Variants in RSRC1 observed in about 807,000 individuals in gnomAD.
RSRC1 encodes the protein serine/Arginine-related protein 53.
A neutral mutation model predicts 49.1 loss-of-function variants in RSRC1; 39 were observed. The observed-to-expected ratio is 0.79, with a 90% CI of 0.61 to 1.04. RSRC1 has a LOEUF of 1.04. Ranked by LOEUF, RSRC1 falls within the 50% of genes least tolerant of loss-of-function variation. The pLI is 0.00. For missense variants in RSRC1, 388 were observed against 402.4 expected (o/e 0.96, Z 0.31); for synonymous variants, 143 against 130.8 (o/e 1.09, Z -0.63).
At chr3:158,216,770 G>T in intron 4 of RSRC1, among the ~76,000 whole-genome samples, 1 of 151,678 alleles carries the variant, frequency 6.6e-6, no homozygotes, top group Non-Finnish European at 1.5e-5. Flanking sequence ...AGGTGAATTT[G>T]TTATCCTTCT....
At chr3:158,255,167 C>T (rs1724465158) in intron 4 of RSRC1, among the ~76,000 whole-genome samples, 1 of 152,222 alleles carries the variant, frequency 6.6e-6, no homozygotes, top group African/African-American at 2.4e-5. Flanking sequence ...GGTATTCCCT[C>T]TGTTTTTTTC....
intron 3 of RSRC1, among the ~76,000 whole-genome samples, chr3:158,129,296 T>C (rs1331101694): frequency 1.1e-4 from 15 of 142,526 alleles, no homozygotes; most frequent in Non-Finnish European, 2.1e-4. Flanking sequence ...TTCTTTTTTT[T>C]TTTTTTTTTT....
chr3:158,333,373 AG>A (rs1729669523), intron 5 of RSRC1, among the ~76,000 whole-genome samples: 1 of 152,240 alleles, frequency 6.6e-6, no homozygotes, highest in African/African-American at 2.4e-5. Flanking sequence ...ATATAAAACT[AG>A]TGATTACTAT....
chr3:158,509,376 G>A (rs922802458), intron 7 of RSRC1, among the ~76,000 whole-genome samples: 1 of 152,124 alleles, frequency 6.6e-6, no homozygotes, highest in African/African-American at 2.4e-5. Context: ...TTGAGATACA[G>A]AAAAATGAAA....
At chr3:158,300,827 GTT>G (rs1727501695) in intron 5 of RSRC1, among the ~76,000 whole-genome samples, 1 of 152,158 alleles carries the variant, frequency 6.6e-6, no homozygotes, top group African/African-American at 2.4e-5. Flanking sequence ...ATTTTAATAA[GTT>G]AAGAAAAATT....
At chr3:158,198,045 T>A (rs1187030261) in intron 3 of RSRC1, among the ~76,000 whole-genome samples, 1 of 152,152 alleles carries the variant, frequency 6.6e-6, no homozygotes, top group Non-Finnish European at 1.5e-5. Flanking sequence ...CTGGATATGC[T>A]TGTTAACTTT....
At chr3:158,426,676 A>G (rs1276133322) in intron 6 of RSRC1, among the ~76,000 whole-genome samples, 2 of 151,916 alleles carry the variant, frequency 1.3e-5, no homozygotes, top group African/African-American at 4.8e-5. Context: ...AAAAGATCCA[A>G]TGAATATAGT....
chr3:158,369,438 A>T (rs1418590557), intron 6 of RSRC1, among the ~76,000 whole-genome samples: 2 of 152,010 alleles, frequency 1.3e-5, no homozygotes, highest in Non-Finnish European at 2.9e-5. Flanking sequence ...GCATTTTGTG[A>T]TGTAAAAATG....
chr3:158,381,486 G>T (rs1490877330), intron 6 of RSRC1, among the ~76,000 whole-genome samples: 2 of 152,160 alleles, frequency 1.3e-5, no homozygotes, highest in Non-Finnish European at 2.9e-5. Flanking sequence ...ATTTATCATT[G>T]TGTGAACATC....
chr3:158,517,755 A>ATTTTTTTTTTTTTTTTT (rs766129663), intron 7 of RSRC1, among the ~76,000 whole-genome samples: 4 of 35,190 alleles, frequency 1.1e-4, no homozygotes, highest in Non-Finnish European at 1.8e-4. Flanking sequence ...CACCCAGCTA[A>ATTTTTTTTTTTTTTTTT]TTTTTTTTTT....
At chr3:158,155,788 G>A (rs948244180) in intron 3 of RSRC1, among the ~76,000 whole-genome samples, 4 of 152,046 alleles carry the variant, frequency 2.6e-5, no homozygotes, top group African/African-American at 9.7e-5. Context: ...GGTCTCAACA[G>A]TGAGCTTAAA....
chr3:158,260,270 C>T (rs750631340), intron 4 of RSRC1, among the ~76,000 whole-genome samples: 1 of 152,168 alleles, frequency 6.6e-6, no homozygotes, highest in East Asian at 1.9e-4. Flanking sequence ...CTTTAGTTAA[C>T]AGTTGATGAA....
chr3:158,298,577 T>G (rs1432931395), intron 5 of RSRC1, among the ~76,000 whole-genome samples: 1 of 152,110 alleles, frequency 6.6e-6, no homozygotes, highest in African/African-American at 2.4e-5. Flanking sequence ...AGATGCAAAA[T>G]TTTTGGTTTA....
intron 4 of RSRC1, among the ~76,000 whole-genome samples, chr3:158,213,124 A>G (rs980633958): frequency 1.3e-5 from 2 of 151,910 alleles, no homozygotes; most frequent in East Asian, 1.9e-4. Flanking sequence ...AGATATCTCT[A>G]TGTTGGTTTA....
intron 4 of RSRC1, among the ~76,000 whole-genome samples, chr3:158,293,047 ATTC>A (rs1372833729): frequency 6.6e-6 from 1 of 152,116 alleles, no homozygotes; most frequent in Admixed American, 6.5e-5. Flanking sequence ...TGAGGTGGTC[ATTC>A]TTCCTTATCT....
chr3:158,452,191 A>G (rs1487036484), intron 6 of RSRC1, among the ~76,000 whole-genome samples: 1 of 152,166 alleles, frequency 6.6e-6, no homozygotes, highest in Non-Finnish European at 1.5e-5. Flanking sequence ...TTAAACTGTG[A>G]TTCACAGGCT....
chr3:158,492,789 G>T (rs971528735), intron 7 of RSRC1, among the ~76,000 whole-genome samples: 2 of 152,082 alleles, frequency 1.3e-5, no homozygotes, highest in Admixed American at 1.3e-4. Flanking sequence ...CTTTCTCATT[G>T]CTGTCTTTAC....
chr3:158,466,313 T>C (rs1257753147), intron 7 of RSRC1, among the ~76,000 whole-genome samples: 2 of 152,220 alleles, frequency 1.3e-5, no homozygotes, highest in African/African-American at 4.8e-5. Flanking sequence ...GATGTTTATG[T>C]ACATGAAATG....
chr3:158,298,160 T>C (rs1727343744), intron 5 of RSRC1, 85 bp downstream of exon 5: 1 of 1,009,792 alleles, frequency 9.9e-7, no homozygotes, highest in Non-Finnish European at 1.5e-6. Flanking sequence ...CTTTGAATAC[T>C]TTGTATTGAG....
Sources: allele counts gnomAD v4.1 joint callset (sites outside exome capture counted in the v4.1 genomes callset), GRCh38; gene constraint gnomAD v4.1.1; transcripts MANE v1.5; gene names NCBI Gene and HGNC (gene_info 2026-07-23, HGNC 2026-07-21).